Variants in CD302 observed in about 807,000 individuals in gnomAD.
The protein encoded by CD302 is CD302 antigen.
A neutral mutation model predicts 26.5 loss-of-function variants in CD302; 23 were observed. The ratio of observed to expected loss-of-function variants is 0.87; its 90% CI spans 0.62 to 1.23. The LOEUF (loss-of-function observed/expected upper bound fraction) is 1.23, where lower values mean the gene tolerates loss of function less well. Among genes scored for constraint, CD302 ranks in the 50% most tolerant of loss-of-function variants. The pLI is 0.00. For missense variants in CD302, 290 were observed against 275.5 expected, an observed-to-expected ratio of 1.05 and a Z score of -0.37; for synonymous variants, 90 against 99.4, an observed-to-expected ratio of 0.91 and a Z score of 0.56.
intron 5 of CD302, 111 bp downstream of exon 5, chr2:159,777,827 C>T: frequency 4.0e-6 from 2 of 503,158 alleles, no homozygotes; most frequent in East Asian, 6.9e-5. Context: ...AAAAATTGTT[C>T]TACTTTATAT....
At chr2:159,798,084 C>A in intron 1 of CD302, 48 bp downstream of exon 1, 2 of 1,476,170 alleles carry the variant, frequency 1.4e-6, no homozygotes, top group Non-Finnish European at 1.8e-6. Flanking sequence ...GGGAAGGGGG[C>A]GAAGGCGGTC....
At chr2:159,774,774 C>T (rs1197513445) in intron 5 of CD302, among the ~76,000 whole-genome samples, 1 of 152,194 alleles carries the variant, frequency 6.6e-6, no homozygotes, top group Non-Finnish European at 1.5e-5. Flanking sequence ...ACTATGGACA[C>T]CTTAATTCTG....
Position 159,791,274 on chromosome 2 carries a change from C to T in CD302, c.67+6858G>A, listed in dbSNP as rs191712111. Among the ~76,000 whole-genome samples the T allele has an allele frequency of 2.1e-4, 32 of 152,314 alleles. 1 individual carries two copies. Among genetic ancestry groups the T allele is most frequent in the African/African-American group, 7.2e-4 (30 of 41,566 alleles). On this transcript the variant is annotated intron_variant, in intron 1 of 5. Transcript: ENST00000259053. ...CCAATAAGAAAACTGAGGATACTAT[C>T]TCAACAGTCAAATAGGCTTAGCGTT...
chr2:159,788,122 A>G (rs954560707), intron 1 of CD302, among the ~76,000 whole-genome samples: 2 of 152,132 alleles, frequency 1.3e-5, no homozygotes, highest in Admixed American at 6.5e-5. Flanking sequence ...AAAAAAAGAA[A>G]AAGAAAAAAG....
At chr2:159,784,346 CTTTTTTTTTTTTT>C (rs151184238) in intron 1 of CD302, among the ~76,000 whole-genome samples, 3 of 53,096 alleles carry the variant, frequency 5.7e-5, no homozygotes, top group South Asian at 1.1e-3. Context: ...TTAAGTTCTG[CTTTTTTTTTTTTT>C]TTTTTTTTTT....
intron 5 of CD302, among the ~76,000 whole-genome samples, chr2:159,777,722 T>A (rs543789691): frequency 1.6e-4 from 24 of 152,258 alleles, no homozygotes; most frequent in African/African-American, 5.1e-4. Context: ...TCTAAAAAAA[T>A]ATTCCCGAGT....
At position 159,771,676 on chromosome 2, in the gene CD302, GT is replaced by G; in HGVS notation, c.*174del. ...AGATCTAAGATCATTTCTAAAACCT[GT>G]TTTTTTAATGAACCTAAAGACTTTT... On this transcript the variant is annotated 3_prime_UTR_variant, in exon 6 of 6. Coordinates refer to ENST00000259053, the MANE Select transcript of CD302 (RefSeq NM_014880.5). 1 of 732,208 alleles carries G rather than the reference GT, an allele frequency of 1.4e-6. No individual in the cohort carries two copies. The allele number at this position is 732,208 out of a possible 1,614,324, so 45.4% of individuals were successfully genotyped here. A position where few individuals can be genotyped will look rare whatever the true frequency, so the allele number is the denominator to read the frequency against.
At chr2:159,775,578 A>T (rs1338784036) in intron 5 of CD302, among the ~76,000 whole-genome samples, 2 of 152,204 alleles carry the variant, frequency 1.3e-5, no homozygotes, top group Non-Finnish European at 2.9e-5. Context: ...TCAGCTATTT[A>T]TCTGTCTCCA....
intron 5 of CD302, among the ~76,000 whole-genome samples, chr2:159,775,774 T>A (rs1708296133): frequency 6.6e-6 from 1 of 152,218 alleles, no homozygotes; most frequent in African/African-American, 2.4e-5. Context: ...TAAACTCCCA[T>A]TTCTTCCTGA....
At chr2:159,793,856 G>A (rs539827906) in intron 1 of CD302, among the ~76,000 whole-genome samples, 21 of 152,130 alleles carry the variant, frequency 1.4e-4, no homozygotes, top group African/African-American at 4.8e-4. Context: ...TCTTCAGAAG[G>A]GCTGTTATAA....
At chr2:159,783,214 G>A in intron 2 of CD302, 145 bp downstream of exon 2, 1 of 607,682 alleles carries the variant, frequency 1.6e-6, no homozygotes, top group Non-Finnish European at 2.7e-6. Flanking sequence ...ACTGCCTGTA[G>A]CTTGTGTGTT....
Position 159,769,896 on chromosome 2 carries a change from CT to C in CD302, c.*1954del, listed in dbSNP as rs1708079859. The C allele has an allele frequency of 2.0e-5, 3 of 152,164 alleles. No homozygotes were observed. Among genetic ancestry groups the C allele is most frequent in the Admixed American group, 1.3e-4 (2 of 15,276 alleles). The allele number at this position is 152,164 out of a possible 1,614,324, so 9.4% of individuals were successfully genotyped here. On this transcript the variant is annotated 3_prime_UTR_variant, in exon 6 of 6. Coordinates refer to ENST00000259053, the MANE Select transcript of CD302 (RefSeq NM_014880.5). The stretch of plus-strand genomic sequence containing the variant: ...TGTATGTTGCCCAGTACAGTAGCCA[CT>C]AACCACCTGTGATTTGAACACTTGA...
At chr2:159,789,223 A>T (rs1370927703) in intron 1 of CD302, among the ~76,000 whole-genome samples, 1 of 151,462 alleles carries the variant, frequency 6.6e-6, no homozygotes, top group Non-Finnish European at 1.5e-5. Flanking sequence ...GCTGGTCTTG[A>T]ACTCTTGGTC....
intron 3 of CD302, 141 bp downstream of exon 3, chr2:159,780,741 G>T: frequency 1.3e-6 from 1 of 751,908 alleles, no homozygotes. Flanking sequence ...GCTGTGGTAT[G>T]ATCATAGGTG....
intron 1 of CD302, 95 bp downstream of exon 1, chr2:159,798,037 G>T: frequency 4.9e-6 from 6 of 1,221,052 alleles, no homozygotes; most frequent in Non-Finnish European, 6.7e-6. Context: ...GCGTCTGCGG[G>T]CCGCCCTCGG....
intron 1 of CD302, among the ~76,000 whole-genome samples, chr2:159,783,760 A>G (rs932467351): frequency 3.3e-5 from 5 of 152,210 alleles, no homozygotes; most frequent in African/African-American, 1.2e-4. Context: ...GTTATCACCA[A>G]GGCAACAAAC....
At chr2:159,781,814 T>G (rs777977842) in intron 2 of CD302, among the ~76,000 whole-genome samples, 1 of 152,202 alleles carries the variant, frequency 6.6e-6, no homozygotes, top group Non-Finnish European at 1.5e-5. Context: ...AAACAACATA[T>G]ATGTATTAAG....
chr2:159,795,641 G>GT (rs1291779492), intron 1 of CD302, among the ~76,000 whole-genome samples: 2 of 152,218 alleles, frequency 1.3e-5, no homozygotes, highest in East Asian at 3.8e-4. Context: ...AATGGTGGAG[G>GT]TGGGGGCAGC....
At chr2:159,784,643 A>G (rs1389791969) in intron 1 of CD302, among the ~76,000 whole-genome samples, 1 of 152,130 alleles carries the variant, frequency 6.6e-6, no homozygotes, top group African/African-American at 2.4e-5. Context: ...GGTGTGAGCC[A>G]CCACGCCAGG....
Sources: gnomAD v4.1 joint callset for allele counts (sites outside exome capture counted in the v4.1 genomes callset) on GRCh38, gnomAD v4.1.1 for gene constraint, MANE v1.5 for transcripts, NCBI Gene and HGNC (gene_info 2026-07-23, HGNC 2026-07-21) for gene names.